The following RTN2 variants were observed in gnomAD, a reference collection of about 807,000 sequenced individuals.
The protein encoded by RTN2 is reticulon-2.
A neutral mutation model predicts 63.7 loss-of-function variants in RTN2; 36 were observed. The ratio of observed to expected loss-of-function variants is 0.56; its 90% CI spans 0.43 to 0.75. The LOEUF (loss-of-function observed/expected upper bound fraction) is 0.75. Among genes scored for constraint, RTN2 ranks in the 30% least tolerant of loss-of-function variants. The pLI is 0.00. For missense variants in RTN2, 673 were observed against 705.1 expected (o/e 0.95, Z 0.52); for synonymous variants, 312 against 313.0 (o/e 1.00, Z 0.03).
intron 2 of RTN2, 35 bp downstream of exon 2, chr19:45,495,060 G>A (rs779267264): frequency 2.5e-6 from 4 of 1,614,096 alleles, no homozygotes; most frequent in Non-Finnish European, 3.4e-6. Context: ...GAGCTGCCCA[G>A]CCCTGAGCCC....
intron 10 of RTN2, 48 bp from the exon 11 acceptor site, chr19:45,485,837 G>A: frequency 6.7e-7 from 1 of 1,484,036 alleles, no homozygotes; most frequent in Non-Finnish European, 9.4e-7. Context: ...GAGACGCGGG[G>A]TGGGCATCTG....
intron 1 of RTN2, 72 bp from the exon 2 acceptor site, chr19:45,495,211 G>A: frequency 6.5e-7 from 1 of 1,542,154 alleles, no homozygotes; most frequent in Non-Finnish European, 8.9e-7. Flanking sequence ...CCCAGTCCTG[G>A]AATCTTAGAA....
chr19:45,485,621 G>A lies in RTN2; in HGVS notation c.*87C>T, dbSNP rs947758738. 4 of 1,073,228 alleles carry A rather than the reference G, an allele frequency of 3.7e-6. No homozygotes were observed. The highest frequency in any genetic ancestry group is 2.5e-5 in the South Asian group (2 of 79,226). The allele number at this position is 1,073,228 out of a possible 1,614,324, so 66.5% of individuals were successfully genotyped here. A position where few individuals can be genotyped will look rare whatever the true frequency, so the allele number is the denominator to read the frequency against. ...CGGGAAAAGGCTCGGGCCGAGGAGG[G>A]GGGTGGGTGGGAACGGACAAGAGAT... On this transcript the variant is annotated 3_prime_UTR_variant, in exon 11 of 11. Coordinates refer to ENST00000245923, the MANE Select transcript of RTN2 (RefSeq NM_005619.5).
Position 45,489,371 on chromosome 19 carries a change from G to A in RTN2, c.1216C>T (p.Arg406Trp), listed in dbSNP as rs977755323. Residue 406 changes from arginine to tryptophan, a missense_variant, in exon 6 of 11, where the codon CGG becomes TGG. Physicochemically the swap from Arg to Trp is moderately radical, Grantham distance 101 (BLOSUM62 -3). Transcript: ENST00000245923. The part of the protein sequence containing the change: ...VYRKVLQAVH[R>W]GDGANPFQAY... The stretch of plus-strand genomic sequence containing the variant: ...TGGAAAGGGTTGGCTCCATCCCCCC[G>A]GTGCACGGCCTGCAGCACTTTGCGG... 11 of 1,576,094 alleles carry A rather than the reference G, an allele frequency of 7.0e-6. No homozygotes were observed. Among genetic ancestry groups the A allele is most frequent in the South Asian group, 5.8e-5 (5 of 85,840 alleles).
In RTN2 at chr19:45,491,918, C is replaced by T. The variant is rs527410472; in HGVS notation, c.1033+1242G>A. 3.2e-4 allele frequency among the ~76,000 whole-genome samples: 48 copies of T among 152,058 alleles called. 1 individual carries two copies. Among genetic ancestry groups the T allele is most frequent in the Middle Eastern group, 3.4e-3 (1 of 292 alleles). On this transcript the variant is annotated intron_variant, in intron 5 of 10. Coordinates refer to ENST00000245923, the MANE Select transcript of RTN2 (RefSeq NM_005619.5). ...TGTTGGGATTACAGGCATGAGCCACCGCGCTCGGTCATATATATTTTTTTA... is the reference window on the plus strand; with the variant it reads ...TGTTGGGATTACAGGCATGAGCCACTGCGCTCGGTCATATATATTTTTTTA...
At chr19:45,496,655 AG>A in intron 1 of RTN2, 136 bp downstream of exon 1, 1 of 491,294 alleles carries the variant, frequency 2.0e-6, no homozygotes, top group Non-Finnish European at 3.4e-6. Context: ...AGCGCGGGGG[AG>A]GGGAGAGCTT....
At chr19:45,496,690 C>T in intron 1 of RTN2, 102 bp downstream of exon 1, 1 of 739,016 alleles carries the variant, frequency 1.4e-6, no homozygotes, top group Non-Finnish European at 2.0e-6. Context: ...TGCCTCCTCC[C>T]CCCATCCCGG....
At chr19:45,491,489 T>C (rs556056572) in intron 5 of RTN2, among the ~76,000 whole-genome samples, 23 of 150,292 alleles carry the variant, frequency 1.5e-4, no homozygotes, top group African/African-American at 5.4e-4. Flanking sequence ...GCCTCCCAAC[T>C]AGCTGGGATC....
intron 9 of RTN2, 55 bp from the exon 10 acceptor site, chr19:45,486,168 G>T (rs1568620823): frequency 6.6e-7 from 1 of 1,522,428 alleles, no homozygotes; most frequent in Non-Finnish European, 9.1e-7. Context: ...CTTCTCTTTA[G>T]TCACATAGGA....
intron 9 of RTN2, among the ~76,000 whole-genome samples, chr19:45,486,880 G>A (rs1968034924): frequency 6.6e-6 from 1 of 150,740 alleles, no homozygotes; most frequent in Non-Finnish European, 1.5e-5. Context: ...GATTACAGGT[G>A]GACACCACCA....
intron 1 of RTN2, among the ~76,000 whole-genome samples, chr19:45,496,354 G>A (rs975841959): frequency 6.6e-6 from 1 of 152,230 alleles, no homozygotes; most frequent in Non-Finnish European, 1.5e-5. Flanking sequence ...GTTTGGGCGA[G>A]GTCGGGGCTG....
In RTN2 at chr19:45,488,969, T is replaced by C. The variant is rs1968091401; in HGVS notation, c.1259A>G (p.Asp420Gly). The change falls in exon 7 of 11, where the codon GAC becomes GGC. Residue 420 changes from aspartate (D) to glycine (G), a missense_variant. Transcript: ENST00000245923. Reference sequence around the variant, plus strand: ...CGTCTGCTCCCGAGTCAGGGTGAGGTCCACATCCAGGTAGGCCCTGCGGGG... The same window carrying C: ...CGTCTGCTCCCGAGTCAGGGTGAGGCCCACATCCAGGTAGGCCCTGCGGGG... ...ANPFQAYLDV[D>G]LTLTREQTER... 2 of 1,611,566 alleles carry C rather than the reference T, an allele frequency of 1.2e-6. No homozygotes were observed. Among genetic ancestry groups the C allele is most frequent in the Non-Finnish European group, 1.7e-6 (2 of 1,179,076 alleles).
chr19:45,485,847 G>A, intron 10 of RTN2, 58 bp from the exon 11 acceptor site: 1 of 1,392,896 alleles, frequency 7.2e-7, no homozygotes, highest in Non-Finnish European at 1.0e-6. Flanking sequence ...GTGGGCATCT[G>A]GGGACAACGG....
chr19:45,489,394 C>G lies in RTN2; in HGVS notation c.1193G>C (p.Arg398Pro). 3.1e-6 allele frequency: 5 copies of G among 1,596,262 alleles called. No individual in the cohort carries two copies. The highest frequency in any genetic ancestry group is 4.3e-6 in the Non-Finnish European group (5 of 1,172,046). ...LCGTISLRVY[R>P]KVLQAVHRGD... ...CCGGTGCACGGCCTGCAGCACTTTG[C>G]GGTAAACCCTGAGAGAGATGGTGCC... is the stretch of plus-strand genomic sequence containing the variant. The change falls in exon 6 of 11, where the codon CGC becomes CCC. Residue 398 changes from arginine to proline, a missense_variant. Coordinates refer to ENST00000245923, the MANE Select transcript of RTN2 (RefSeq NM_005619.5).
At chr19:45,493,840 T>G in intron 4 of RTN2, 1 of 318,858 alleles carries the variant, frequency 3.1e-6, no homozygotes, top group Non-Finnish European at 5.9e-6. Context: ...GCCTTCCAGG[T>G]TCAAGCGATT....
At chr19:45,488,792 C>T (rs1025740181) in intron 7 of RTN2, 56 bp downstream of exon 7, 2 of 1,594,102 alleles carry the variant, frequency 1.3e-6, no homozygotes, top group African/African-American at 2.7e-5. Flanking sequence ...CTCCCACCCC[C>T]TAGCCATGCA....
chr19:45,492,371 A>T (rs946451370), intron 5 of RTN2, among the ~76,000 whole-genome samples: 21 of 152,024 alleles, frequency 1.4e-4, no homozygotes, highest in Admixed American at 5.2e-4. Context: ...CCCTGTCTCT[A>T]CAAACAAAAT....
At chr19:45,492,314 G>A (rs74769432) in intron 5 of RTN2, among the ~76,000 whole-genome samples, 23,463 of 152,030 alleles carry the variant, frequency 0.15, 1,894 homozygotes, top group South Asian at 0.22. Flanking sequence ...AACACTTTGG[G>A]AGGCCGAGGC....
At position 45,494,698 on chromosome 19, in the gene RTN2, G is replaced by T. The variant is rs375788260; in HGVS notation, c.387C>A (p.Thr129=). The change falls in exon 3 of 11, where the codon ACC becomes ACA. Residue 129 remains threonine, a synonymous_variant. Transcript: ENST00000245923. The surrounding 1 kb of genome is among the most constrained non-coding windows in gnomAD (Gnocchi z 5.3). ...CCAGAGGGCGCTCGGATGGAGGCGCGGTGTCAGGATCACCCCGTCGTCCAG... is the reference window on the plus strand; with the variant it reads ...CCAGAGGGCGCTCGGATGGAGGCGCTGTGTCAGGATCACCCCGTCGTCCAG... The part of the protein sequence containing the change: ...PEPGRRGDPD[T]APPSERPLED... 9 of 1,613,408 alleles carry T rather than the reference G, an allele frequency of 5.6e-6. No individual in the cohort carries two copies. The highest frequency in any genetic ancestry group is 7.6e-6 in the Non-Finnish European group (9 of 1,179,986).
Sources: allele counts gnomAD v4.1 joint callset (sites outside exome capture counted in the v4.1 genomes callset), GRCh38; gene constraint gnomAD v4.1.1; non-coding constraint Gnocchi (gnomAD v3.1); transcripts MANE v1.5; gene names NCBI Gene and HGNC (gene_info 2026-07-23, HGNC 2026-07-21).